CPA6: variants seen among roughly 807,000 people sequenced by gnomAD.
CPA6 encodes the protein carboxypeptidase A6, also known as carboxypeptidase B.
CPA6 carries 58 observed loss-of-function variants against 63.3 expected under a neutral mutation model. The ratio of observed to expected loss-of-function variants is 0.92; its 90% CI spans 0.74 to 1.14. The LOEUF (loss-of-function observed/expected upper bound fraction) is 1.14. Among genes scored for constraint, CPA6 ranks in the 50% most tolerant of loss-of-function variants. The pLI is 0.00. For missense variants in CPA6, 565 were observed against 526.6 expected (o/e 1.07, Z -0.71); for synonymous variants, 185 against 179.0 (o/e 1.03, Z -0.27).
rs1463238107 is a variant in CPA6 at position 67,517,998 on chromosome 8, A to T, written c.242T>A (p.Val81Asp). The change falls in exon 3 of 11, where the codon GTT (valine) becomes GAT (aspartate). Residue 81 changes from valine (V) to aspartate (D), a missense_variant. Physicochemically the swap from Val to Asp is radical, Grantham distance 152. Coordinates refer to ENST00000297770, the MANE Select transcript of CPA6 (RefSeq NM_020361.5). ...ATTTTGGGGGATATGGACATCAGTA[A>T]CTGTTCCCTCTGATACATAGGAGAT... is the stretch of plus-strand genomic sequence containing the variant. ...SSISYVSEGTVTDVHIPQNGS... is the reference protein window; with the variant it reads ...SSISYVSEGTDTDVHIPQNGS... 1 of 1,612,910 alleles carries T rather than the reference A, an allele frequency of 6.2e-7. No homozygotes were observed. The highest frequency in any genetic ancestry group is 1.3e-5 in the African/African-American group (1 of 74,880).
At chr8:67,713,097 GTGTATATATATATA>G (rs1311090603) in intron 1 of CPA6, among the ~76,000 whole-genome samples, 15 of 60,246 alleles carry the variant, frequency 2.5e-4, no homozygotes, top group African/African-American at 7.3e-4. Flanking sequence ...GTGTGTGTGT[GTGTATATATATATA>G]TATATATATA....
chr8:67,721,478 A>C (rs902931804), intron 1 of CPA6, among the ~76,000 whole-genome samples: 8 of 152,222 alleles, frequency 5.3e-5, no homozygotes, highest in African/African-American at 1.9e-4. Flanking sequence ...TACTAGTTTT[A>C]CTTTTGCAAA....
chr8:67,740,767 G>T (rs1252343206), intron 1 of CPA6, among the ~76,000 whole-genome samples: 2 of 151,980 alleles, frequency 1.3e-5, no homozygotes, highest in African/African-American at 2.4e-5. Context: ...ACAGGGTTTT[G>T]CCATGTTAGC....
chr8:67,471,458 T>TA lies in CPA6; in HGVS notation c.838+12309dup, dbSNP rs535258649. Among the ~76,000 whole-genome samples, 167 of 149,830 alleles carry TA rather than the reference T, an allele frequency of 1.1e-3. 1 individual carries two copies. Among genetic ancestry groups the TA allele is most frequent in the Non-Finnish European group, 2.1e-3 (141 of 67,250 alleles). On this transcript the variant is annotated intron_variant, in intron 8 of 10. Coordinates refer to ENST00000297770, the MANE Select transcript of CPA6 (RefSeq NM_020361.5). ...AATGCATTTGGTATTTTTTTAATTG[T>TA]AAAAAAAAAATCCCTTTCTCTTACA...
At position 67,445,696 on chromosome 8, in the gene CPA6, G is replaced by A. The variant is rs558538047; in HGVS notation, c.839-11456C>T. Among the ~76,000 whole-genome samples the A allele has an allele frequency of 9.5e-4, 144 of 152,220 alleles. 1 individual carries two copies. Among genetic ancestry groups the A allele is most frequent in the African/African-American group, 3.1e-3 (130 of 41,532 alleles). ...TGTTGTTTTTCTTCAATGAATTTAT[G>A]ATATAAATGATGATATAAAAGAATG... is the stretch of plus-strand genomic sequence containing the variant. On this transcript the variant is annotated intron_variant, in intron 8 of 10. Transcript: ENST00000297770.
At chr8:67,461,393 A>C (rs1220924408) in intron 8 of CPA6, among the ~76,000 whole-genome samples, 1 of 148,474 alleles carries the variant, frequency 6.7e-6, no homozygotes, top group African/African-American at 2.5e-5. Flanking sequence ...GTCACCGATC[A>C]ACAGGATCCC....
At chr8:67,550,217 C>T (rs915686457) in intron 2 of CPA6, among the ~76,000 whole-genome samples, 2 of 152,012 alleles carry the variant, frequency 1.3e-5, no homozygotes, top group African/African-American at 2.4e-5. Flanking sequence ...TTTGTTAGTC[C>T]CCAGTGTCCA....
At chr8:67,590,207 A>G (rs1814076645) in intron 2 of CPA6, among the ~76,000 whole-genome samples, 1 of 152,066 alleles carries the variant, frequency 6.6e-6, no homozygotes, top group South Asian at 2.1e-4. Context: ...TGTCCCTACA[A>G]AGGACATGAA....
At chr8:67,709,338 G>T (rs368356032) in intron 1 of CPA6, among the ~76,000 whole-genome samples, 1 of 152,108 alleles carries the variant, frequency 6.6e-6, no homozygotes, top group Admixed American at 6.6e-5. Context: ...ACCTCATTTC[G>T]TTCATGCTCT....
At chr8:67,567,008 A>G (rs1001762379) in intron 2 of CPA6, among the ~76,000 whole-genome samples, 4 of 152,236 alleles carry the variant, frequency 2.6e-5, no homozygotes, top group Non-Finnish European at 5.9e-5. Context: ...AACACCCTGC[A>G]CTAGCAATCT....
At chr8:67,588,107 A>G (rs573974044) in intron 2 of CPA6, among the ~76,000 whole-genome samples, 1 of 152,268 alleles carries the variant, frequency 6.6e-6, no homozygotes, top group African/African-American at 2.4e-5. Flanking sequence ...TCCTAGATTT[A>G]TTGATAACTG....
intron 2 of CPA6, among the ~76,000 whole-genome samples, chr8:67,576,742 AG>A (rs967409984): frequency 2.0e-5 from 3 of 152,226 alleles, no homozygotes; most frequent in Non-Finnish European, 4.4e-5. Context: ...TGAGTGCTAT[AG>A]GATGCATTCT....
At chr8:67,532,650 G>A (rs1812502582) in intron 2 of CPA6, among the ~76,000 whole-genome samples, 1 of 152,040 alleles carries the variant, frequency 6.6e-6, no homozygotes, top group African/African-American at 2.4e-5. Context: ...CTGGGCAACA[G>A]ACCAAGACCC....
intron 1 of CPA6, among the ~76,000 whole-genome samples, chr8:67,733,650 T>C (rs1817757690): frequency 1.3e-5 from 2 of 152,152 alleles, no homozygotes; most frequent in Admixed American, 6.5e-5. Context: ...AAGTGCTGTA[T>C]TCCTAGAACC....
intron 2 of CPA6, among the ~76,000 whole-genome samples, chr8:67,614,813 C>G (rs1814903092): frequency 6.6e-6 from 1 of 152,166 alleles, no homozygotes. Flanking sequence ...CTTCTCCATT[C>G]TTTGGCCACT....
At chr8:67,525,058 C>G (rs1812334663) in intron 2 of CPA6, among the ~76,000 whole-genome samples, 1 of 152,168 alleles carries the variant, frequency 6.6e-6, no homozygotes, top group African/African-American at 2.4e-5. Flanking sequence ...TTTCCTTGCT[C>G]TACTTATGAC....
At chr8:67,676,489 T>C (rs1816476829) in intron 1 of CPA6, among the ~76,000 whole-genome samples, 1 of 152,240 alleles carries the variant, frequency 6.6e-6, no homozygotes, top group Non-Finnish European at 1.5e-5. Flanking sequence ...TGCAGTAACT[T>C]CAAAAGGCGT....
At chr8:67,740,230 G>A (rs1269104747) in intron 1 of CPA6, among the ~76,000 whole-genome samples, 1 of 152,204 alleles carries the variant, frequency 6.6e-6, no homozygotes. Context: ...CCTGGGAAAA[G>A]GGGGACTTTT....
At chr8:67,667,941 T>A (rs913511383) in intron 1 of CPA6, among the ~76,000 whole-genome samples, 1 of 152,228 alleles carries the variant, frequency 6.6e-6, no homozygotes, top group Non-Finnish European at 1.5e-5. Context: ...AATGCCAACA[T>A]GTCTAGCCAG....
Sources: allele counts gnomAD v4.1 joint callset (sites outside exome capture counted in the v4.1 genomes callset), GRCh38; gene constraint gnomAD v4.1.1; transcripts MANE v1.5; gene names NCBI Gene and HGNC (gene_info 2026-07-23, HGNC 2026-07-21).